RPS6KB1: variants seen among roughly 807,000 people sequenced by gnomAD.
The protein encoded by RPS6KB1 is ribosomal protein S6 kinase B1.
RPS6KB1 carries 12 observed loss-of-function variants against 70.2 expected under a neutral mutation model. The ratio of observed to expected loss-of-function variants is 0.17; its 90% CI spans 0.11 to 0.28. The LOEUF is 0.28. RPS6KB1 is among the 10% of genes least tolerant of loss of function. The pLI, the probability that RPS6KB1 is intolerant of heterozygous loss-of-function variation, is 1.00. For missense variants in RPS6KB1, 270 were observed against 646.6 expected (o/e 0.42, Z 6.32); for synonymous variants, 175 against 211.2 (o/e 0.83, Z 1.49).
At chr17:59,910,415 A>G (rs1338749646) in intron 1 of RPS6KB1, 147 bp from the exon 2 acceptor site, 3 of 570,692 alleles carry the variant, frequency 5.3e-6, no homozygotes, top group Non-Finnish European at 9.2e-6. Flanking sequence ...TGTTTTGTTC[A>G]TTACCATATT....
intron 1 of RPS6KB1, among the ~76,000 whole-genome samples, chr17:59,906,354 C>CCTTCCG (rs2042263520): frequency 1.3e-5 from 2 of 151,756 alleles, no homozygotes; most frequent in African/African-American, 4.8e-5. Flanking sequence ...CCCTTGCCTC[C>CCTTCCG]CTTCCCCTTC....
intron 6 of RPS6KB1, chr17:59,930,839 GA>G (rs2043888131): frequency 6.6e-6 from 1 of 152,210 alleles, no homozygotes. Flanking sequence ...GAGCCTTAGG[GA>G]TGAAGTGCCC....
chr17:59,943,076 G>A (rs1347852747), intron 13 of RPS6KB1, among the ~76,000 whole-genome samples: 3 of 152,120 alleles, frequency 2.0e-5, no homozygotes, highest in Non-Finnish European at 2.9e-5. Context: ...ACACTGAATA[G>A]TAATAATCCT....
chr17:59,905,324 ATGGTGT>A (rs1386157252), intron 1 of RPS6KB1, among the ~76,000 whole-genome samples: 1 of 151,814 alleles, frequency 6.6e-6, no homozygotes. Flanking sequence ...AGCTTTCTTG[ATGGTGT>A]TGGTGTTTTT....
intron 1 of RPS6KB1, among the ~76,000 whole-genome samples, chr17:59,900,622 C>T (rs2144684392): frequency 6.6e-6 from 1 of 152,108 alleles, no homozygotes; most frequent in African/African-American, 2.4e-5. Context: ...TGCCTTGGCC[C>T]CAAAGTGCTG....
At chr17:59,940,435 C>T (rs977742650) in intron 12 of RPS6KB1, among the ~76,000 whole-genome samples, 21 of 151,846 alleles carry the variant, frequency 1.4e-4, no homozygotes, top group Admixed American at 2.6e-4. Flanking sequence ...TACAGGCACA[C>T]GCCACCATGC....
At chr17:59,903,028 C>T (rs905108814) in intron 1 of RPS6KB1, among the ~76,000 whole-genome samples, 1 of 151,854 alleles carries the variant, frequency 6.6e-6, no homozygotes, top group African/African-American at 2.4e-5. Flanking sequence ...AAAAAATGAG[C>T]CGATGCTGGG....
At chr17:59,908,040 A>G (rs2042371828) in intron 1 of RPS6KB1, among the ~76,000 whole-genome samples, 1 of 152,038 alleles carries the variant, frequency 6.6e-6, no homozygotes, top group South Asian at 2.1e-4. Context: ...TTTACACTAG[A>G]TACCCTGGAC....
At chr17:59,907,859 T>C (rs1338845456) in intron 1 of RPS6KB1, among the ~76,000 whole-genome samples, 1 of 152,170 alleles carries the variant, frequency 6.6e-6, no homozygotes, top group Non-Finnish European at 1.5e-5. Flanking sequence ...GTGATGGTAT[T>C]ATAAATGGAA....
Position 59,934,883 on chromosome 17 carries a change from T to G in RPS6KB1, c.871-310T>G. On this transcript the variant is annotated intron_variant, in intron 9 of 14. Transcript: ENST00000225577. This position sits in a 1 kb window ranked among gnomAD's most constrained non-coding sequence, Gnocchi z 4.8. ...CAGGACACTGCTACTTCCTCTGTCC[T>G]GTTGCTTAAAAACTGCACGTCTGCC... is the stretch of plus-strand genomic sequence containing the variant. The G allele has an allele frequency of 5.5e-6, 2 of 366,692 alleles. No individual in the cohort carries two copies. 22.7% of individuals were successfully genotyped at this position (366,692 alleles called of 1,614,324 possible). A position where few individuals can be genotyped will look rare whatever the true frequency, so the allele number is the denominator to read the frequency against.
At chr17:59,944,109 G>T (rs1346071043) in intron 13 of RPS6KB1, among the ~76,000 whole-genome samples, 1 of 151,972 alleles carries the variant, frequency 6.6e-6, no homozygotes, top group African/African-American at 2.4e-5. Flanking sequence ...CCACCAGAAC[G>T]TTTGTAAAAT....
chr17:59,902,846 A>C (rs1176094336), intron 1 of RPS6KB1, among the ~76,000 whole-genome samples: 2 of 152,018 alleles, frequency 1.3e-5, no homozygotes, highest in African/African-American at 2.4e-5. Context: ...CCAAAGTGTT[A>C]GGATTATAGG....
At chr17:59,942,066 G>A (rs866585979) in intron 13 of RPS6KB1, among the ~76,000 whole-genome samples, 9 of 151,836 alleles carry the variant, frequency 5.9e-5, no homozygotes, top group Non-Finnish European at 8.8e-5. Flanking sequence ...CATCGTGTTA[G>A]CCAGGATAGT....
chr17:59,910,165 T>C (rs1249518954), intron 1 of RPS6KB1, among the ~76,000 whole-genome samples: 2 of 144,126 alleles, frequency 1.4e-5, no homozygotes, highest in African/African-American at 2.6e-5. Context: ...CCAGTCTGGG[T>C]GACAGAGTGA....
chr17:59,919,226 A>T (rs953237680), intron 4 of RPS6KB1, among the ~76,000 whole-genome samples: 1 of 152,076 alleles, frequency 6.6e-6, no homozygotes, highest in Non-Finnish European at 1.5e-5. Context: ...AACAACTTCA[A>T]ATAATAGTGT....
intron 12 of RPS6KB1, among the ~76,000 whole-genome samples, chr17:59,940,441 C>T (rs923890290): frequency 1.7e-4 from 26 of 151,930 alleles, no homozygotes; most frequent in Non-Finnish European, 5.9e-5. Flanking sequence ...CACACGCCAC[C>T]ATGCCTGGCT....
At position 59,947,284 on chromosome 17, in the gene RPS6KB1, A is replaced by G; in HGVS notation, c.*496A>G. The G allele has an allele frequency of 9.9e-7, 1 of 1,009,856 alleles. No individual in the cohort carries two copies. Among genetic ancestry groups the G allele is most frequent in the Non-Finnish European group, 1.2e-6 (1 of 835,642 alleles). 62.6% of individuals were successfully genotyped at this position (1,009,856 alleles called of 1,614,324 possible). On this transcript the variant is annotated 3_prime_UTR_variant, in exon 15 of 15. Coordinates refer to ENST00000225577, the MANE Select transcript of RPS6KB1 (RefSeq NM_003161.4). ...TTACCAATTGATGTTTTACGTGCAAACAACCTGAATCTTTTTTTTATATAA... is the reference window on the plus strand; with the variant it reads ...TTACCAATTGATGTTTTACGTGCAAGCAACCTGAATCTTTTTTTTATATAA...
intron 4 of RPS6KB1, among the ~76,000 whole-genome samples, chr17:59,920,913 GGT>G (rs1233706995): frequency 6.6e-6 from 1 of 152,156 alleles, no homozygotes; most frequent in Non-Finnish European, 1.5e-5. Flanking sequence ...TGGCCAGGCT[GGT>G]CTCAAACTCC....
At chr17:59,912,486 C>A in intron 2 of RPS6KB1, 198 bp from the exon 3 acceptor site, 1 of 486,252 alleles carries the variant, frequency 2.1e-6, no homozygotes, top group Non-Finnish European at 3.7e-6. Flanking sequence ...ATTCTATGAA[C>A]AAGGAGGCAA....
Sources: gnomAD v4.1 joint callset for allele counts (sites outside exome capture counted in the v4.1 genomes callset) on GRCh38, gnomAD v4.1.1 for gene constraint, Gnocchi (gnomAD v3.1) non-coding constraint, MANE v1.5 for transcripts, NCBI Gene and HGNC (gene_info 2026-07-23, HGNC 2026-07-21) for gene names.